The following HIBCH variants were observed in gnomAD, a reference collection of about 807,000 sequenced individuals.
HIBCH encodes 3-hydroxyisobutyryl-CoA hydrolase.
Under a neutral mutation model 58.2 loss-of-function variants are expected in HIBCH, and 50 were observed. That is an observed-to-expected ratio of 0.86 (90% CI 0.68 to 1.09). The LOEUF is 1.09. Ranked by LOEUF, HIBCH falls within the 50% of genes least tolerant of loss-of-function variation. HIBCH has a pLI of 0.00. For synonymous variants in HIBCH, 151 were observed against 146.9 expected (o/e 1.03, Z -0.20); for missense variants, 450 against 449.7 (o/e 1.00, Z -0.01).
chr2:190,192,736 T>A (rs1272722887), intron 1 of HIBCH, among the ~76,000 whole-genome samples: 1 of 152,150 alleles, frequency 6.6e-6, no homozygotes, highest in African/African-American at 2.4e-5. Flanking sequence ...CAAAATGCAG[T>A]TTTCCTTCAT....
chr2:190,244,699 ACACGG>A (rs1231675018), intron 11 of HIBCH, among the ~76,000 whole-genome samples, 183 bp downstream of exon 11: 3 of 152,212 alleles, frequency 2.0e-5, no homozygotes, highest in African/African-American at 7.2e-5. Context: ...CAGCAGGTAG[ACACGG>A]CACTTGGATT....
chr2:190,246,008 A>T, intron 10 of HIBCH, 146 bp downstream of exon 10: 1 of 531,212 alleles, frequency 1.9e-6, no homozygotes, highest in Non-Finnish European at 3.3e-6. Flanking sequence ...AAAAAAAAAA[A>T]GGAAGGAAAG....
At chr2:190,230,381 CAACTT>C (rs1246639719) in intron 11 of HIBCH, among the ~76,000 whole-genome samples, 3 of 152,182 alleles carry the variant, frequency 2.0e-5, no homozygotes, top group Non-Finnish European at 4.4e-5. Context: ...ATAAATCTGA[CAACTT>C]AAATAAAAGT....
chr2:190,318,919 A>G (rs943909924), intron 1 of HIBCH, among the ~76,000 whole-genome samples: 1 of 152,198 alleles, frequency 6.6e-6, no homozygotes, highest in Non-Finnish European at 1.5e-5. Flanking sequence ...CCCTGAAACT[A>G]TTCTTCTTAA....
intron 10 of HIBCH, chr2:190,245,242 G>A (rs1351027371): frequency 2.1e-5 from 8 of 377,508 alleles, no homozygotes; most frequent in South Asian, 7.9e-5. Context: ...ATGAAAAATC[G>A]ATGCTTCTAA....
intron 1 of HIBCH, among the ~76,000 whole-genome samples, chr2:190,198,907 CA>C (rs1461936572): frequency 2.6e-5 from 4 of 152,106 alleles, no homozygotes; most frequent in Admixed American, 1.3e-4. Context: ...ATTTATTGAC[CA>C]AACATCAAAC....
chr2:190,195,326 T>C (rs753981008), intron 1 of HIBCH, among the ~76,000 whole-genome samples: 1 of 152,224 alleles, frequency 6.6e-6, no homozygotes, highest in Non-Finnish European at 1.5e-5. Context: ...GTTCAACTTA[T>C]TGGGTAAATA....
At position 190,248,568 on chromosome 2, in the gene HIBCH, A is replaced by C. The variant is rs140301288; in HGVS notation, c.750+1072T>G. 5.9e-5 allele frequency among the ~76,000 whole-genome samples: 9 copies of C among 152,276 alleles called. No homozygotes were observed. In the East Asian group the frequency reaches 1.5e-3, roughly 26 times the overall value. ...GATAGCTACTCTCAGTTGTACAAGA[A>C]GACTTGTGGAAGGGCCAGGTGCAGT... On this transcript the variant is annotated intron_variant, in intron 9 of 13. Coordinates refer to ENST00000359678, the MANE Select transcript of HIBCH (RefSeq NM_014362.4).
chr2:190,289,460 G>T (rs1333704962), intron 5 of HIBCH, among the ~76,000 whole-genome samples: 1 of 152,028 alleles, frequency 6.6e-6, no homozygotes, highest in Admixed American at 6.6e-5. Flanking sequence ...ATATGGTCTA[G>T]GAGAATACAC....
intron 11 of HIBCH, among the ~76,000 whole-genome samples, chr2:190,218,959 G>A (rs895567902): frequency 6.6e-6 from 1 of 152,124 alleles, no homozygotes; most frequent in South Asian, 2.1e-4. Context: ...CATCCTAAAC[G>A]TTACTGGTAA....
chr2:190,238,870 C>G (rs921688611), intron 11 of HIBCH, among the ~76,000 whole-genome samples: 1 of 152,152 alleles, frequency 6.6e-6, no homozygotes, highest in Non-Finnish European at 1.5e-5. Context: ...GGATATTAGA[C>G]CTTTAGATGG....
chr2:190,252,071 T>G, intron 8 of HIBCH, 91 bp downstream of exon 8: 1 of 1,184,296 alleles, frequency 8.4e-7, no homozygotes, highest in Non-Finnish European at 1.3e-6. Flanking sequence ...TCACCAGAAG[T>G]CTGTGGCTCT....
intron 6 of HIBCH, among the ~76,000 whole-genome samples, chr2:190,274,548 A>G (rs1687495715): frequency 6.6e-6 from 1 of 152,182 alleles, no homozygotes; most frequent in South Asian, 2.1e-4. Flanking sequence ...TTAATTTTCT[A>G]TTATTCATTG....
intron 2 of HIBCH, among the ~76,000 whole-genome samples, chr2:190,308,256 A>T (rs546632502): frequency 1.3e-5 from 2 of 152,258 alleles, no homozygotes; most frequent in East Asian, 3.9e-4. Flanking sequence ...CTTATGTCTG[A>T]GTCACTGACA....
chr2:190,250,218 T>A lies in HIBCH; in HGVS notation c.664-492A>T, dbSNP rs1332223175. ...TTCTTGCCCCTGTGATTTCATTAAA[T>A]GTTTCCTTTACCTGACAATACCTTT... On this transcript the variant is annotated intron_variant, in intron 8 of 13. Coordinates refer to ENST00000359678, the MANE Select transcript of HIBCH (RefSeq NM_014362.4). 35 of 355,176 alleles carry A rather than the reference T, an allele frequency of 9.9e-5. 1 individual carries two copies. Among genetic ancestry groups the A allele is most frequent in the South Asian group, 8.3e-4 (35 of 42,406 alleles). The allele number at this position is 355,176 out of a possible 1,614,324, so 22.0% of individuals were successfully genotyped here.
At chr2:190,230,238 A>G (rs35530400) in intron 11 of HIBCH, among the ~76,000 whole-genome samples, 2,302 of 152,294 alleles carry the variant, frequency 0.015, 61 homozygotes, top group African/African-American at 0.051. Context: ...AAAGAGCCTG[A>G]AAATATAAAG....
At chr2:190,245,745 T>C (rs1686586365) in intron 10 of HIBCH, among the ~76,000 whole-genome samples, 1 of 152,040 alleles carries the variant, frequency 6.6e-6, no homozygotes, top group African/African-American at 2.4e-5. Context: ...ATCCCAGCAC[T>C]TTGTGAGGGC....
chr2:190,199,522 T>C (rs565602533), downstream of HIBCH, among the ~76,000 whole-genome samples: 2 of 152,340 alleles, frequency 1.3e-5, no homozygotes, highest in South Asian at 2.1e-4. Flanking sequence ...ATTTTGCAAG[T>C]TGCCATTTTT....
At chr2:190,198,061 C>T (rs60928818) in intron 1 of HIBCH, among the ~76,000 whole-genome samples, 2,520 of 152,280 alleles carry the variant, frequency 0.017, 88 homozygotes, top group African/African-American at 0.056. Context: ...ACAAGACAGA[C>T]ACCACACATA....
Sources: gnomAD v4.1 joint callset for allele counts (sites outside exome capture counted in the v4.1 genomes callset) on GRCh38, gnomAD v4.1.1 for gene constraint, MANE v1.5 for transcripts, NCBI Gene and HGNC (gene_info 2026-07-23, HGNC 2026-07-21) for gene names.